The following SYNDIG1 variants were observed in gnomAD, a reference collection of about 807,000 sequenced individuals.
SYNDIG1 encodes the protein synapse differentiation inducing 1, also known as synapse differentiation-inducing gene protein 1.
Under a neutral mutation model 19.4 loss-of-function variants are expected in SYNDIG1, and 9 were observed. The ratio of observed to expected loss-of-function variants is 0.46; its 90% CI spans 0.28 to 0.81. The LOEUF is 0.81. Ranked by LOEUF, SYNDIG1 falls within the 30% of genes least tolerant of loss-of-function variation. The pLI is 0.12. For missense variants in SYNDIG1, 311 were observed against 343.3 expected, an observed-to-expected ratio of 0.91 and a Z score of 0.74; for synonymous variants, 141 against 145.9, an observed-to-expected ratio of 0.97 and a Z score of 0.24.
chr20:24,478,898 G>A (rs1345111336), intron 1 of SYNDIG1, among the ~76,000 whole-genome samples: 1 of 152,136 alleles, frequency 6.6e-6, no homozygotes, highest in Non-Finnish European at 1.5e-5. Flanking sequence ...AGAGAATATC[G>A]GATTGAACTC....
chr20:24,626,929 A>C (rs547629594), intron 3 of SYNDIG1, among the ~76,000 whole-genome samples: 3 of 152,178 alleles, frequency 2.0e-5, no homozygotes, highest in East Asian at 1.9e-4. Context: ...TACGAAAACC[A>C]GTCAGGCGTG....
intron 3 of SYNDIG1, among the ~76,000 whole-genome samples, chr20:24,602,956 C>G (rs2058700279): frequency 1.3e-5 from 2 of 152,198 alleles, no homozygotes; most frequent in South Asian, 2.1e-4. Flanking sequence ...CTAACTGGCT[C>G]TTTGCACTGC....
chr20:24,541,173 C>T (rs2057460534), intron 1 of SYNDIG1, among the ~76,000 whole-genome samples: 3 of 152,136 alleles, frequency 2.0e-5, no homozygotes. Context: ...TATTTAGTAG[C>T]AAAACTAGGG....
chr20:24,543,325 C>T lies in SYNDIG1; in HGVS notation c.228C>T (p.Pro76=), dbSNP rs772185521. Residue 76 remains proline (P), a synonymous_variant, in exon 2 of 4, where the codon CCC becomes CCT. Coordinates refer to ENST00000376862, the MANE Select transcript of SYNDIG1 (RefSeq NM_024893.3). ...RSEPMQQLLD[P]NTLQQSVESR... is the part of the protein sequence containing the mutation. ...AGCCGATGCAGCAGCTGCTGGACCC[C>T]AACACCCTGCAGCAGTCAGTGGAGT... is the stretch of plus-strand genomic sequence containing the variant. 1.7e-5 allele frequency: 28 copies of T among 1,613,380 alleles called. No individual in the cohort carries two copies. Among genetic ancestry groups the T allele is most frequent in the Admixed American group, 5.0e-5 (3 of 60,008 alleles).
At chr20:24,616,910 T>C (rs559412554) in intron 3 of SYNDIG1, among the ~76,000 whole-genome samples, 15 of 152,248 alleles carry the variant, frequency 9.9e-5, no homozygotes, top group African/African-American at 3.6e-4. Context: ...GCCATCCTTG[T>C]AGGGTTTGAA....
intron 3 of SYNDIG1, among the ~76,000 whole-genome samples, chr20:24,604,122 CT>C (rs11300143): frequency 0.19 from 28,631 of 151,648 alleles, 3,580 homozygotes; most frequent in Admixed American, 0.35. Context: ...ATTATTCTTT[CT>C]TTTTTTTTCA....
chr20:24,543,929 C>T (rs1053761378), intron 2 of SYNDIG1, among the ~76,000 whole-genome samples: 1 of 152,118 alleles, frequency 6.6e-6, no homozygotes, highest in African/African-American at 2.4e-5. Flanking sequence ...ACACCTGATC[C>T]TAGAGCCACA....
chr20:24,588,555 A>C (rs992855886), intron 3 of SYNDIG1, among the ~76,000 whole-genome samples: 9 of 152,152 alleles, frequency 5.9e-5, no homozygotes, highest in African/African-American at 2.2e-4. Flanking sequence ...AAGCCCAGGA[A>C]TCTGCATTTT....
chr20:24,472,826 A>G (rs570893554), intron 1 of SYNDIG1, among the ~76,000 whole-genome samples: 7 of 152,222 alleles, frequency 4.6e-5, no homozygotes, highest in Non-Finnish European at 1.0e-4. Flanking sequence ...AAAAATTGTC[A>G]GTGATGTTCT....
chr20:24,524,643 C>T (rs943570837), intron 1 of SYNDIG1, among the ~76,000 whole-genome samples: 30 of 147,328 alleles, frequency 2.0e-4, no homozygotes, highest in African/African-American at 6.9e-4. Context: ...GAGACTCTGT[C>T]TCAAAAAAAA....
chr20:24,633,898 C>T (rs1033740168), intron 3 of SYNDIG1, among the ~76,000 whole-genome samples: 1 of 152,222 alleles, frequency 6.6e-6, no homozygotes, highest in African/African-American at 2.4e-5. Flanking sequence ...GCACCAGCCG[C>T]TCTCACCTTT....
At chr20:24,599,423 T>C (rs1397874550) in intron 3 of SYNDIG1, among the ~76,000 whole-genome samples, 2 of 152,188 alleles carry the variant, frequency 1.3e-5, no homozygotes, top group African/African-American at 4.8e-5. Flanking sequence ...GAAAACAGTA[T>C]GGAGATTTCT....
chr20:24,583,986 T>A (rs911467585), intron 2 of SYNDIG1, among the ~76,000 whole-genome samples: 1 of 151,690 alleles, frequency 6.6e-6, no homozygotes, highest in African/African-American at 2.4e-5. Flanking sequence ...ATGGCATGAG[T>A]TTACCCATAA....
chr20:24,554,824 G>A (rs935197426), intron 2 of SYNDIG1, among the ~76,000 whole-genome samples: 55 of 151,546 alleles, frequency 3.6e-4, no homozygotes, highest in African/African-American at 1.2e-3. Flanking sequence ...CTCTTAAAAT[G>A]AGTTAGGGAG....
At chr20:24,610,376 C>T (rs981615847) in intron 3 of SYNDIG1, among the ~76,000 whole-genome samples, 2 of 152,226 alleles carry the variant, frequency 1.3e-5, no homozygotes, top group Admixed American at 6.5e-5. Context: ...TCCAGAGCCA[C>T]CTGTGTCCAC....
Position 24,491,237 on chromosome 20 carries a change from C to T in SYNDIG1, c.-79+21484C>T, listed in dbSNP as rs114152864. On this transcript the variant is annotated intron_variant, in intron 1 of 3. Transcript: ENST00000376862. Reference sequence around the variant, plus strand: ...CCATTTTGGGAATTCTTTGAAGGCACAAGTGGTGACTCGTGGAATACTTAA... The same window carrying T: ...CCATTTTGGGAATTCTTTGAAGGCATAAGTGGTGACTCGTGGAATACTTAA... Among the ~76,000 whole-genome samples the T allele has an allele frequency of 6.6e-3, 1,013 of 152,334 alleles. 5 individuals are homozygous for T. Among genetic ancestry groups the T allele is most frequent in the African/African-American group, 0.023 (958 of 41,580 alleles).
In SYNDIG1 at chr20:24,496,533, C is replaced by T. The variant is rs377687993; in HGVS notation, c.-79+26780C>T. On this transcript the variant is annotated intron_variant, in intron 1 of 3. Coordinates refer to ENST00000376862, the MANE Select transcript of SYNDIG1 (RefSeq NM_024893.3). ...TAAATGTGGGTTTTGGCATTGGGCA[C>T]ACCTGGGTGTAACTCTTACTGACCA... Among the ~76,000 whole-genome samples the T allele has an allele frequency of 2.6e-5, 4 of 152,310 alleles. No individual in the cohort carries two copies. In the South Asian group the frequency reaches 6.2e-4, roughly 24 times the overall value.
chr20:24,575,496 A>G (rs2058212722), intron 2 of SYNDIG1, among the ~76,000 whole-genome samples: 1 of 152,226 alleles, frequency 6.6e-6, no homozygotes, highest in Non-Finnish European at 1.5e-5. Context: ...CCTGACCTCC[A>G]AGGGCTGGAG....
intron 1 of SYNDIG1, among the ~76,000 whole-genome samples, chr20:24,478,269 A>G (rs2055691824): frequency 6.6e-6 from 1 of 152,248 alleles, no homozygotes; most frequent in Admixed American, 6.5e-5. Flanking sequence ...TGTCTGTCTC[A>G]GGGACCAGAG....
Sources: allele counts gnomAD v4.1 joint callset (sites outside exome capture counted in the v4.1 genomes callset), GRCh38; gene constraint gnomAD v4.1.1; transcripts MANE v1.5; gene names NCBI Gene and HGNC (gene_info 2026-07-23, HGNC 2026-07-21).